The following SMCHD1 variants were observed in gnomAD, a reference collection of about 807,000 sequenced individuals.
SMCHD1 encodes structural maintenance of chromosomes flexible hinge domain-containing protein 1.
A neutral mutation model predicts 254.7 loss-of-function variants in SMCHD1; 78 were observed. The ratio of observed to expected loss-of-function variants is 0.31; its 90% confidence interval spans 0.26 to 0.37. The LOEUF (loss-of-function observed/expected upper bound fraction) is 0.37. Among genes scored for constraint, SMCHD1 ranks in the 10% least tolerant of loss-of-function variants. The pLI, the probability that SMCHD1 is intolerant of heterozygous loss-of-function variation, is 1.00. For synonymous variants in SMCHD1, 766 were observed against 794.9 expected (o/e 0.96, Z 0.61); for missense variants, 1,840 against 2,408.1 (o/e 0.76, Z 4.94).
At position 2,772,326 on chromosome 18, in the gene SMCHD1, G is replaced by A; in HGVS notation, c.5129G>A (p.Cys1710Tyr). The A allele has an allele frequency of 6.2e-7, 1 of 1,606,622 alleles. No individual in the cohort carries two copies. The highest frequency in any genetic ancestry group is 8.5e-7 in the Non-Finnish European group (1 of 1,177,296). Residue 1710 changes from cysteine to tyrosine, a missense_variant, in exon 41 of 48, where the codon TGT becomes TAT. By Grantham distance (194) the Cys-to-Tyr change is radical. Coordinates refer to ENST00000320876, the MANE Select transcript of SMCHD1 (RefSeq NM_015295.3). ...CTGAAGAAAAAACCTAGAAGATCGT[G>A]TACTCTTCCAAACTATACTAAAGGC... ...EELKKKPRRS[C>Y]TLPNYTKGSG...
At chr18:2,800,801 T>C (rs2076347576) in intron 47 of SMCHD1, 1 of 152,176 alleles carries the variant, frequency 6.6e-6, no homozygotes, top group Non-Finnish European at 1.5e-5. Context: ...TAATCCTCTT[T>C]CTTAAATGTA....
intron 32 of SMCHD1, among the ~76,000 whole-genome samples, chr18:2,750,986 A>G (rs1401229080): frequency 1.3e-5 from 2 of 152,214 alleles, no homozygotes; most frequent in African/African-American, 4.8e-5. Context: ...TCTTTTGGCT[A>G]TTATATGCTA....
intron 3 of SMCHD1, among the ~76,000 whole-genome samples, chr18:2,672,273 C>T (rs1003862262): frequency 6.6e-6 from 1 of 152,142 alleles, no homozygotes; most frequent in African/African-American, 2.4e-5. Flanking sequence ...GTTGCCCAGG[C>T]TGGAGTGCAG....
intron 47 of SMCHD1, among the ~76,000 whole-genome samples, chr18:2,798,544 T>C (rs1341754907): frequency 1.3e-5 from 2 of 152,242 alleles, no homozygotes; most frequent in African/African-American, 2.4e-5. Context: ...ATGAACTATC[T>C]TCCAGGTTTC....
At chr18:2,777,065 C>CA (rs1568368174) in intron 42 of SMCHD1, among the ~76,000 whole-genome samples, 3 of 146,478 alleles carry the variant, frequency 2.0e-5, no homozygotes, top group East Asian at 2.3e-4. Flanking sequence ...CACCACCTCC[C>CA]CCCCCCATAC....
In SMCHD1 at chr18:2,762,150, A is replaced by C. The variant is rs1208952966; in HGVS notation, c.4480A>C (p.Lys1494Gln). 6.2e-7 allele frequency: 1 copy of C among 1,613,708 alleles called. No individual in the cohort carries two copies. The highest frequency in any genetic ancestry group is 8.5e-7 in the Non-Finnish European group (1 of 1,179,686). Residue 1494 changes from lysine (K) to glutamine (Q), a missense_variant, in exon 36 of 48, where the codon AAA (lysine) becomes CAA (glutamine). By Grantham distance (53) the Lys-to-Gln change is moderately conservative (BLOSUM62 1). Transcript: ENST00000320876. Reference sequence around the variant, plus strand: ...TAATCAACCTGTGAAGTTAGTACCTAAAATTAAACCACCTACACCAGCTGT... The same window carrying C: ...TAATCAACCTGTGAAGTTAGTACCTCAAATTAAACCACCTACACCAGCTGT... Reference protein sequence around the residue: ...LPNQPVKLVPKIKPPTPAVSN... With the variant: ...LPNQPVKLVPQIKPPTPAVSN...
intron 3 of SMCHD1, among the ~76,000 whole-genome samples, chr18:2,669,581 T>G (rs1489658218): frequency 6.6e-6 from 1 of 152,184 alleles, no homozygotes; most frequent in African/African-American, 2.4e-5. Context: ...ATGTTGTATC[T>G]TACTTCCTCA....
intron 42 of SMCHD1, among the ~76,000 whole-genome samples, chr18:2,777,054 C>T (rs893282342): frequency 3.6e-5 from 3 of 83,868 alleles, no homozygotes; most frequent in African/African-American, 9.5e-5. Context: ...GAGGCATGCA[C>T]CACCACCTCC....
chr18:2,750,792 A>T (rs2075556478), intron 32 of SMCHD1, among the ~76,000 whole-genome samples: 1 of 152,094 alleles, frequency 6.6e-6, no homozygotes. Flanking sequence ...AATTGTTGAC[A>T]ATAATTTTTA....
At chr18:2,782,022 C>T (rs927587908) in intron 44 of SMCHD1, among the ~76,000 whole-genome samples, 8 of 152,096 alleles carry the variant, frequency 5.3e-5, no homozygotes, top group African/African-American at 1.4e-4. Context: ...GTAGCACATA[C>T]GTGACAAAAA....
intron 46 of SMCHD1, 94 bp downstream of exon 46, chr18:2,796,201 A>G (rs927747914): frequency 6.5e-5 from 76 of 1,171,902 alleles, no homozygotes; most frequent in Non-Finnish European, 8.3e-5. Context: ...AAAGAATGCA[A>G]ATGATTCAGA....
rs1391294563 is a variant in SMCHD1 at position 2,794,773 on chromosome 18, A to G, written c.5720-1176A>G. ...TTTTAAAAGAACTCATAATTCCCAA[A>G]CCTACAGATTAAACATTGTTAATAA... is the stretch of plus-strand genomic sequence containing the variant. On this transcript the variant is annotated intron_variant, in intron 45 of 47. Transcript: ENST00000320876. 1.9e-4 allele frequency among the ~76,000 whole-genome samples: 29 copies of G among 152,198 alleles called. 1 individual carries two copies. The highest frequency in any genetic ancestry group is 1.9e-3 in the Admixed American group (29 of 15,288).
intron 17 of SMCHD1, among the ~76,000 whole-genome samples, chr18:2,717,024 A>G (rs985149180): frequency 6.6e-6 from 1 of 152,146 alleles, no homozygotes; most frequent in Non-Finnish European, 1.5e-5. Context: ...GCTCTCCTCA[A>G]TATTAGATCA....
At chr18:2,754,698 T>TGA (rs2075639230) in intron 34 of SMCHD1, among the ~76,000 whole-genome samples, 1 of 152,170 alleles carries the variant, frequency 6.6e-6, no homozygotes, top group Admixed American at 6.5e-5. Flanking sequence ...CAGTTAAAGG[T>TGA]GAGAACCCTC....
intron 45 of SMCHD1, among the ~76,000 whole-genome samples, chr18:2,786,622 G>A (rs1269086481): frequency 2.6e-5 from 4 of 152,082 alleles, no homozygotes; most frequent in Non-Finnish European, 5.9e-5. Context: ...AGCCTGGGAG[G>A]CAGAGGTTGC....
At chr18:2,675,817 T>C (rs2073734865) in intron 5 of SMCHD1, among the ~76,000 whole-genome samples, 1 of 152,204 alleles carries the variant, frequency 6.6e-6, no homozygotes, top group African/African-American at 2.4e-5. Flanking sequence ...TCATGGGACA[T>C]TGACTCTGAT....
chr18:2,726,123 T>C (rs1362816966), intron 21 of SMCHD1, among the ~76,000 whole-genome samples: 1 of 151,960 alleles, frequency 6.6e-6, no homozygotes, highest in Non-Finnish European at 1.5e-5. Flanking sequence ...ATAATATCTA[T>C]CTTGATTATG....
At chr18:2,717,300 G>A (rs1026622727) in intron 17 of SMCHD1, among the ~76,000 whole-genome samples, 1 of 152,134 alleles carries the variant, frequency 6.6e-6, no homozygotes, top group Admixed American at 6.5e-5. Context: ...GTTTTTCATG[G>A]GACATGCAGT....
chr18:2,678,244 G>T (rs9748642), intron 5 of SMCHD1, among the ~76,000 whole-genome samples: 31,272 of 82,012 alleles, frequency 0.38, 3,447 homozygotes, highest in East Asian at 0.53. Flanking sequence ...TCTTTCTTTC[G>T]TTCTTTCTTT....
Sources: gnomAD v4.1 joint callset for allele counts (sites outside exome capture counted in the v4.1 genomes callset) on GRCh38, gnomAD v4.1.1 for gene constraint, MANE v1.5 for transcripts, NCBI Gene and HGNC (gene_info 2026-07-23, HGNC 2026-07-21) for gene names.